SPAG16: variants seen among roughly 807,000 people sequenced by gnomAD.
SPAG16 encodes sperm associated antigen 16.
In SPAG16, 86 loss-of-function variants were observed where a neutral mutation model predicts 80.4. The observed-to-expected ratio is 1.07, with a 90% CI of 0.90 to 1.28. The LOEUF (loss-of-function observed/expected upper bound fraction) is 1.28. Ranked by LOEUF, SPAG16 falls within the 50% of genes most tolerant of loss-of-function variation. The pLI, the probability that SPAG16 is intolerant of heterozygous loss-of-function variation, is 0.00. For missense variants in SPAG16, 870 were observed against 765.3 expected (o/e 1.14, Z -1.61); for synonymous variants, 294 against 265.9 (o/e 1.11, Z -1.03).
At chr2:213,347,537 T>C (rs910816733) in intron 6 of SPAG16, among the ~76,000 whole-genome samples, 13 of 152,058 alleles carry the variant, frequency 8.5e-5, no homozygotes, top group South Asian at 8.3e-4. Context: ...CTATAAATTT[T>C]CCTCTACACA....
At chr2:213,603,944 G>C (rs1197141012) in intron 10 of SPAG16, among the ~76,000 whole-genome samples, 1 of 146,166 alleles carries the variant, frequency 6.8e-6, no homozygotes, top group Non-Finnish European at 1.5e-5. Context: ...TTTTTTTTGA[G>C]ATAGAGTCTC....
rs749178261 is a variant in SPAG16, at chr2:213,401,853, T to C, written c.942+26734T>C. On this transcript the variant is annotated intron_variant, in intron 9 of 15. Transcript: ENST00000331683. ...ATAATACATTGATTTGTTTTCACTATGTATTTTTCTCTTTCAGTGTTTGCT... is the reference window on the plus strand; with the variant it reads ...ATAATACATTGATTTGTTTTCACTACGTATTTTTCTCTTTCAGTGTTTGCT... 2.3e-4 allele frequency among the ~76,000 whole-genome samples: 35 copies of C among 152,286 alleles called. No individual in the cohort carries two copies. In the Middle Eastern group the frequency reaches 0.014, roughly 60 times the overall value.
intron 14 of SPAG16, among the ~76,000 whole-genome samples, chr2:214,111,658 C>A (rs1314515792): frequency 3.9e-5 from 6 of 152,080 alleles, no homozygotes. Flanking sequence ...TTTTCCAATT[C>A]TTTGAAGAAA....
intron 12 of SPAG16, among the ~76,000 whole-genome samples, chr2:213,987,118 G>A (rs2046053103): frequency 6.6e-6 from 1 of 151,984 alleles, no homozygotes; most frequent in African/African-American, 2.4e-5. Context: ...TTCTTAATTT[G>A]TCTTGCATTA....
chr2:214,368,787 A>G (rs529210562), intron 15 of SPAG16, among the ~76,000 whole-genome samples: 1 of 152,294 alleles, frequency 6.6e-6, no homozygotes, highest in South Asian at 2.1e-4. Flanking sequence ...ACTAATTCAC[A>G]TAATCACACC....
At chr2:213,508,398 C>A (rs1033855587) in intron 10 of SPAG16, among the ~76,000 whole-genome samples, 4 of 152,078 alleles carry the variant, frequency 2.6e-5, no homozygotes, top group African/African-American at 9.7e-5. Flanking sequence ...AGGTGAAACC[C>A]CGTCTCTACT....
At chr2:213,682,905 T>C (rs1353237056) in intron 10 of SPAG16, among the ~76,000 whole-genome samples, 2 of 152,184 alleles carry the variant, frequency 1.3e-5, no homozygotes, top group Non-Finnish European at 2.9e-5. Context: ...CTCTGTCAAT[T>C]TGTATTGGTT....
chr2:213,818,521 T>C (rs963110255), intron 10 of SPAG16, among the ~76,000 whole-genome samples: 2 of 152,224 alleles, frequency 1.3e-5, no homozygotes, highest in South Asian at 2.1e-4. Context: ...GCCAAGTCCA[T>C]GTATATATGA....
chr2:213,835,941 A>G (rs1371495995), intron 10 of SPAG16, among the ~76,000 whole-genome samples: 4 of 152,204 alleles, frequency 2.6e-5, no homozygotes, highest in African/African-American at 9.6e-5. Flanking sequence ...AATAAAGGAA[A>G]TTGAACCTAT....
intron 15 of SPAG16, among the ~76,000 whole-genome samples, chr2:214,302,350 T>A (rs1022718692): frequency 6.6e-6 from 1 of 152,184 alleles, no homozygotes; most frequent in Non-Finnish European, 1.5e-5. Flanking sequence ...TCTGCCTCAT[T>A]GATAATGCCG....
At chr2:214,226,611 C>T (rs2058702965) in intron 15 of SPAG16, among the ~76,000 whole-genome samples, 2 of 151,944 alleles carry the variant, frequency 1.3e-5, no homozygotes, top group African/African-American at 2.4e-5. Context: ...GGTTGCAGTG[C>T]CTAGAACAGA....
chr2:213,699,408 A>C (rs1255764597), intron 10 of SPAG16, among the ~76,000 whole-genome samples: 2 of 152,142 alleles, frequency 1.3e-5, no homozygotes, highest in Non-Finnish European at 2.9e-5. Flanking sequence ...ATGGGAAGAA[A>C]ATGACTAGTG....
intron 15 of SPAG16, among the ~76,000 whole-genome samples, chr2:214,176,420 T>A (rs1292347249): frequency 6.6e-6 from 1 of 151,362 alleles, no homozygotes; most frequent in African/African-American, 2.4e-5. Flanking sequence ...CAAACAGATC[T>A]TAATATGCCC....
chr2:213,881,119 T>C (rs1334747881), intron 11 of SPAG16, among the ~76,000 whole-genome samples: 1 of 152,184 alleles, frequency 6.6e-6, no homozygotes, highest in Non-Finnish European at 1.5e-5. Context: ...TGTTACTTTG[T>C]GTTGTCTGTG....
intron 13 of SPAG16, among the ~76,000 whole-genome samples, chr2:214,046,977 A>G (rs1201690391): frequency 1.3e-5 from 2 of 152,054 alleles, no homozygotes; most frequent in Non-Finnish European, 2.9e-5. Flanking sequence ...GGAATTAACT[A>G]AAAAAGTGAA....
chr2:213,833,189 A>G (rs1248191633), intron 10 of SPAG16, among the ~76,000 whole-genome samples: 1 of 150,608 alleles, frequency 6.6e-6, no homozygotes, highest in Non-Finnish European at 1.5e-5. Context: ...TCCTCCAGAT[A>G]TTATCCTTCC....
chr2:213,795,498 GC>G (rs1410782283), intron 10 of SPAG16, among the ~76,000 whole-genome samples: 4 of 151,998 alleles, frequency 2.6e-5, no homozygotes, highest in Non-Finnish European at 2.9e-5. Flanking sequence ...CAAAAAATAC[GC>G]CAATCCTTTA....
At chr2:213,540,127 C>T (rs536329804) in intron 10 of SPAG16, among the ~76,000 whole-genome samples, 334 of 151,352 alleles carry the variant, frequency 2.2e-3, no homozygotes, top group African/African-American at 7.6e-3. Flanking sequence ...CTCTGCCTCC[C>T]GGGTTCACGC....
intron 13 of SPAG16, among the ~76,000 whole-genome samples, chr2:214,050,039 A>C (rs977318372): frequency 2.6e-5 from 4 of 152,068 alleles, no homozygotes; most frequent in African/African-American, 7.2e-5. Flanking sequence ...CTTGATTTCT[A>C]CACCTTTGGA....
Sources: gnomAD v4.1 joint callset for allele counts (sites outside exome capture counted in the v4.1 genomes callset) on GRCh38, gnomAD v4.1.1 for gene constraint, MANE v1.5 for transcripts, NCBI Gene and HGNC (gene_info 2026-07-23, HGNC 2026-07-21) for gene names.